Variants in CCND3 observed in about 807,000 individuals in gnomAD.
The protein encoded by CCND3 is G1/S-specific cyclin-D3.
Under a neutral mutation model 28.7 loss-of-function variants are expected in CCND3, and 9 were observed. The observed-to-expected ratio is 0.31, with a 90% CI of 0.19 to 0.55. The LOEUF is 0.55. Ranked by LOEUF, CCND3 falls within the 20% of genes least tolerant of loss-of-function variation. The probability of loss-of-function intolerance (pLI) is 0.93; values close to 1 mark genes in which losing one functional copy is unlikely to be tolerated. For synonymous variants in CCND3, 164 were observed against 163.9 expected, an observed-to-expected ratio of 1.00 and a Z score of 0.00; for missense variants, 315 against 385.8, an observed-to-expected ratio of 0.82 and a Z score of 1.54.
At chr6:42,032,550 G>A (rs967245992) in intron 1 of CCND3, among the ~76,000 whole-genome samples, 2 of 152,236 alleles carry the variant, frequency 1.3e-5, no homozygotes, top group African/African-American at 2.4e-5. Flanking sequence ...GCCACAAGCC[G>A]GGCACGGGCA....
intron 1 of CCND3, among the ~76,000 whole-genome samples, chr6:42,037,246 T>G (rs1163943713): frequency 8.6e-6 from 1 of 116,520 alleles, no homozygotes; most frequent in South Asian, 2.8e-4. Flanking sequence ...GGCCGTTTTG[T>G]TTTTTTTTTT....
intron 1 of CCND3, among the ~76,000 whole-genome samples, chr6:41,965,537 G>A (rs1350785110): frequency 6.6e-6 from 1 of 152,164 alleles, no homozygotes; most frequent in Non-Finnish European, 1.5e-5. Flanking sequence ...GCTGTGCCCC[G>A]AAGTGGATGC....
chr6:42,030,331 T>C (rs1001989512), intron 1 of CCND3: 1 of 152,294 alleles, frequency 6.6e-6, no homozygotes, highest in Non-Finnish European at 1.5e-5. Flanking sequence ...GAAAGTAATA[T>C]GGGGTGTTTG....
rs869183661 is a variant in CCND3 at position 41,941,781 on chromosome 6, GC to G, written c.-133del. 6.2e-6 allele frequency: 2 copies of G among 324,940 alleles called. No individual in the cohort carries two copies. Among genetic ancestry groups the G allele is most frequent in the African/African-American group, 1.2e-4 (1 of 8,366 alleles). The allele number at this position is 324,940 out of a possible 1,614,324, so 20.1% of individuals were successfully genotyped here. A position where few individuals can be genotyped will look rare whatever the true frequency, so the allele number is the denominator to read the frequency against. Reference sequence around the variant, plus strand: ...GCGGCGGATCCCCAGCCCGCCCGCCGCCCGCGCGCGCGCGCCGCTTCCCTGA... The same window carrying G: ...GCGGCGGATCCCCAGCCCGCCCGCCGCCGCGCGCGCGCGCCGCTTCCCTGA... On this transcript the variant is annotated 5_prime_UTR_variant, in exon 1 of 5. Coordinates refer to ENST00000372991, the MANE Select transcript of CCND3 (RefSeq NM_001760.5). This position sits in a 1 kb window ranked among gnomAD's most constrained non-coding sequence, Gnocchi z 6.1.
chr6:41,941,734 C>T lies in CCND3; in HGVS notation c.-85G>A, dbSNP rs1776035312. ...GGGCCGGAGAGCGCGGGGCGCGGGTCTGGCGCTGGCGCTGGCACTGCGCGG... is the reference window on the plus strand; with the variant it reads ...GGGCCGGAGAGCGCGGGGCGCGGGTTTGGCGCTGGCGCTGGCACTGCGCGG... On this transcript the variant is annotated 5_prime_UTR_variant, in exon 1 of 5. Coordinates refer to ENST00000372991, the MANE Select transcript of CCND3 (RefSeq NM_001760.5). This position sits in a 1 kb window ranked among gnomAD's most constrained non-coding sequence, Gnocchi z 6.1. 1.0e-6 allele frequency: 1 copy of T among 959,226 alleles called. No individual in the cohort carries two copies. 59.4% of individuals were successfully genotyped at this position (959,226 alleles called of 1,614,324 possible). A position where few individuals can be genotyped will look rare whatever the true frequency, so the allele number is the denominator to read the frequency against.
chr6:41,992,089 C>T (rs948561640), intron 1 of CCND3, among the ~76,000 whole-genome samples: 4 of 152,154 alleles, frequency 2.6e-5, no homozygotes, highest in Admixed American at 2.6e-4. Flanking sequence ...TACTGATTTC[C>T]TTTCCTTTGG....
At position 41,952,584 on chromosome 6, in the gene CCND3, G is replaced by T. The variant is rs1050310155; in HGVS notation, c.-45-11999C>A. Among the ~76,000 whole-genome samples, 3 of 152,178 alleles carry T rather than the reference G, an allele frequency of 2.0e-5. No individual in the cohort carries two copies. In the East Asian group the frequency reaches 5.8e-4, roughly 29 times the overall value. On this transcript the variant is annotated intron_variant, in intron 1 of 4. Transcript: ENST00000372988. ...TTCCAGCCTTTTTGTGGGAGGGCGC[G>T]ATGGACTCTGATAGTCAGAAGAAGC...
chr6:42,041,919 G>A (rs528415990), intron 1 of CCND3, among the ~76,000 whole-genome samples: 3 of 152,264 alleles, frequency 2.0e-5, no homozygotes, highest in South Asian at 2.1e-4. Context: ...CCCCTGCTCC[G>A]GCTTCCTTTC....
At chr6:41,994,558 G>A (rs1762740856) in intron 1 of CCND3, among the ~76,000 whole-genome samples, 1 of 152,150 alleles carries the variant, frequency 6.6e-6, no homozygotes, top group South Asian at 2.1e-4. Flanking sequence ...CATGTCATAT[G>A]TTTGTCAAAA....
At chr6:42,006,284 T>G (rs371709014) in intron 1 of CCND3, among the ~76,000 whole-genome samples, 2 of 147,908 alleles carry the variant, frequency 1.4e-5, no homozygotes, top group Admixed American at 7.0e-5. Context: ...TTTAACAACA[T>G]TAAGGTAGAT....
At chr6:41,991,031 T>G (rs1333516120) in intron 1 of CCND3, among the ~76,000 whole-genome samples, 2 of 151,254 alleles carry the variant, frequency 1.3e-5, no homozygotes, top group Non-Finnish European at 1.5e-5. Context: ...GGGGAAAGGA[T>G]AGTCTCTTCA....
chr6:41,975,622 G>A (rs1762156790), intron 1 of CCND3, among the ~76,000 whole-genome samples: 1 of 152,074 alleles, frequency 6.6e-6, no homozygotes, highest in Non-Finnish European at 1.5e-5. Flanking sequence ...TTACTTGGTG[G>A]GTGATGGAGA....
At chr6:41,980,942 T>C (rs1024915466) in intron 1 of CCND3, among the ~76,000 whole-genome samples, 3 of 152,104 alleles carry the variant, frequency 2.0e-5, no homozygotes, top group African/African-American at 7.2e-5. Context: ...GGTGGGAAAC[T>C]AGAAGCTTTC....
chr6:42,036,403 A>ATTTTTTTT (rs57849655), intron 1 of CCND3, among the ~76,000 whole-genome samples: 16 of 31,312 alleles, frequency 5.1e-4, no homozygotes, highest in African/African-American at 1.0e-3. Context: ...ATATATATAT[A>ATTTTTTTT]TTTTTTTTTT....
chr6:42,044,452 A>G (rs1176769752), intron 1 of CCND3, among the ~76,000 whole-genome samples: 2 of 152,192 alleles, frequency 1.3e-5, no homozygotes, highest in East Asian at 1.9e-4. Context: ...GCAAAGAATG[A>G]CATAGAAGAG....
At chr6:42,039,951 G>A (rs1360646847) in intron 1 of CCND3, among the ~76,000 whole-genome samples, 1 of 152,208 alleles carries the variant, frequency 6.6e-6, no homozygotes, top group Non-Finnish European at 1.5e-5. Flanking sequence ...TCACATCTCC[G>A]TGCATCCCTG....
intron 1 of CCND3, among the ~76,000 whole-genome samples, chr6:41,978,792 T>G (rs540625976): frequency 6.6e-6 from 1 of 152,344 alleles, no homozygotes; most frequent in South Asian, 2.1e-4. Context: ...TTTAAAATCC[T>G]TTCTTTAAAA....
chr6:41,989,080 TA>T (rs897232614), intron 1 of CCND3, among the ~76,000 whole-genome samples: 3 of 151,856 alleles, frequency 2.0e-5, no homozygotes, highest in African/African-American at 7.3e-5. Context: ...AGCCACAGAC[TA>T]GGGGGAAATA....
At position 42,026,585 on chromosome 6, in the gene CCND3, C is replaced by T. The variant is rs142890159; in HGVS notation, c.-46+21916G>A. On this transcript the variant is annotated intron_variant, in intron 1 of 4. Coordinates refer to the CCND3 transcript ENST00000372988. ...CCACATGACACAGGCTCCCCATACC[C>T]TTCTCATCTAGATCTCATGGCAAAG... 4.9e-3 allele frequency among the ~76,000 whole-genome samples: 747 copies of T among 152,298 alleles called. 8 individuals carry two copies. The highest frequency in any genetic ancestry group is 0.022 in the South Asian group (104 of 4,822).
Sources: allele counts gnomAD v4.1 joint callset (sites outside exome capture counted in the v4.1 genomes callset), GRCh38; gene constraint gnomAD v4.1.1; non-coding constraint Gnocchi (gnomAD v3.1); transcripts MANE v1.5; gene names NCBI Gene and HGNC (gene_info 2026-07-23, HGNC 2026-07-21).